Variants in KAZN observed in about 807,000 individuals in gnomAD.
The protein encoded by KAZN is kazrin, periplakin interacting protein.
KAZN carries 40 observed loss-of-function variants against 87.4 expected under a neutral mutation model. The observed-to-expected ratio is 0.46, with a 90% CI of 0.36 to 0.60. KAZN has a LOEUF of 0.60. Among genes scored for constraint, KAZN ranks in the 20% least tolerant of loss-of-function variants. KAZN has a pLI of 0.00. For missense variants in KAZN, 898 were observed against 1,073.9 expected, an observed-to-expected ratio of 0.84 and a Z score of 2.29; for synonymous variants, 466 against 458.3, an observed-to-expected ratio of 1.02 and a Z score of -0.22.
At chr1:14,047,566 T>C (rs1642128401) in intron 1 of KAZN, among the ~76,000 whole-genome samples, 2 of 152,194 alleles carry the variant, frequency 1.3e-5, no homozygotes, top group Admixed American at 6.5e-5. Context: ...GTACTTCTGC[T>C]GCTTAGAAAG....
At chr1:14,928,355 A>C (rs1327367011) in intron 1 of KAZN, among the ~76,000 whole-genome samples, 1 of 152,056 alleles carries the variant, frequency 6.6e-6, no homozygotes, top group Non-Finnish European at 1.5e-5. Context: ...AGGCTGAGGC[A>C]GGAGAGTGTC....
chr1:14,867,537 T>G (rs1172227744), intron 1 of KAZN, among the ~76,000 whole-genome samples: 1 of 152,134 alleles, frequency 6.6e-6, no homozygotes, highest in East Asian at 1.9e-4. Flanking sequence ...CTCTGTGAAG[T>G]AGGAAAACTA....
intron 1 of KAZN, among the ~76,000 whole-genome samples, chr1:13,901,882 G>T (rs1490733571): frequency 1.2e-4 from 19 of 152,242 alleles, no homozygotes; most frequent in Admixed American, 1.1e-3. Context: ...TGTGATAAAG[G>T]TGCTTTACTT....
intron 1 of KAZN, among the ~76,000 whole-genome samples, chr1:14,862,737 A>G (rs1651012918): frequency 6.7e-6 from 1 of 150,064 alleles, no homozygotes; most frequent in Non-Finnish European, 1.5e-5. Context: ...ATGTGCTCAT[A>G]ATACATTGAC....
chr1:14,970,378 C>G (rs550115013), intron 2 of KAZN, among the ~76,000 whole-genome samples: 5 of 152,174 alleles, frequency 3.3e-5, no homozygotes, highest in Admixed American at 6.5e-5. Flanking sequence ...TTGGCAACCC[C>G]GTGACTCACA....
intron 2 of KAZN, among the ~76,000 whole-genome samples, chr1:15,024,575 G>C (rs188014514): frequency 1.3e-5 from 2 of 152,332 alleles, no homozygotes. Flanking sequence ...CAGATGGTCC[G>C]AGGAGCCTCT....
chr1:14,420,440 C>T (rs58381337), intron 2 of KAZN, among the ~76,000 whole-genome samples: 3,761 of 152,326 alleles, frequency 0.025, 140 homozygotes, highest in East Asian at 0.11. Context: ...TGGATTCCCC[C>T]ACCGGAGCCA....
chr1:14,819,462 G>A (rs1463960046), intron 1 of KAZN, among the ~76,000 whole-genome samples: 1 of 152,100 alleles, frequency 6.6e-6, no homozygotes, highest in Non-Finnish European at 1.5e-5. Flanking sequence ...GTTCTTATGG[G>A]TGGGCCTCCT....
chr1:14,780,033 C>T (rs11576169), intron 1 of KAZN, among the ~76,000 whole-genome samples: 1,966 of 152,298 alleles, frequency 0.013, 46 homozygotes, highest in African/African-American at 0.043. Context: ...TTAATTCCTC[C>T]CAACAAACGC....
Position 14,779,405 on chromosome 1 carries a change from C to T in KAZN, c.226+180182C>T, listed in dbSNP as rs537062006. On this transcript the variant is annotated intron_variant, in intron 1 of 14. Coordinates refer to ENST00000376030, the MANE Select transcript of KAZN (RefSeq NM_201628.3). ...CAGCTCTTGGCATTGGAGGGTACGG[C>T]CAGAAGCTTCCTGGGGCACTCTCAT... Among the ~76,000 whole-genome samples the T allele has an allele frequency of 2.6e-5, 4 of 152,336 alleles. No individual in the cohort carries two copies. In the East Asian group the frequency reaches 7.7e-4, roughly 29 times the overall value.
In KAZN at chr1:14,539,178, T is replaced by C. The variant is rs932262722; in HGVS notation, c.250-59805T>C. Among the ~76,000 whole-genome samples the C allele has an allele frequency of 2.0e-5, 3 of 152,168 alleles. 1 individual carries two copies. Among genetic ancestry groups the C allele is most frequent in the Admixed American group, 1.3e-4 (2 of 15,282 alleles). On this transcript the variant is annotated intron_variant, in intron 2 of 16. Coordinates refer to the KAZN transcript ENST00000636203. Reference sequence around the variant, plus strand: ...GGAATTGCAAATATTGCAACTGATATATGATTTCATAAAGTCAATGAAAGT... The same window carrying C: ...GGAATTGCAAATATTGCAACTGATACATGATTTCATAAAGTCAATGAAAGT...
intron 2 of KAZN, among the ~76,000 whole-genome samples, chr1:14,225,642 C>A (rs975641134): frequency 1.3e-5 from 2 of 152,106 alleles, no homozygotes; most frequent in Middle Eastern, 3.2e-3. Context: ...GGTATAGTAA[C>A]TAAAACAGTA....
intron 2 of KAZN, among the ~76,000 whole-genome samples, chr1:14,985,938 G>A (rs972926437): frequency 6.7e-6 from 1 of 148,930 alleles, no homozygotes; most frequent in Non-Finnish European, 1.5e-5. Context: ...AGGAGGCGGA[G>A]GCTGCAGTGA....
At chr1:14,871,698 G>A (rs994961497) in intron 1 of KAZN, among the ~76,000 whole-genome samples, 6 of 147,026 alleles carry the variant, frequency 4.1e-5, no homozygotes, top group African/African-American at 7.6e-5. Flanking sequence ...GCATCTCTGT[G>A]TCTTGATGCT....
rs182388836 is a variant in KAZN, at chr1:14,104,383, G to A, written c.92-76052G>A. ...CTGCCTCTGAAAATCTTGCTAAGGAGCATTTGTCACACAAGTGGATGTGGT... is the reference window on the plus strand; with the variant it reads ...CTGCCTCTGAAAATCTTGCTAAGGAACATTTGTCACACAAGTGGATGTGGT... On this transcript the variant is annotated intron_variant, in intron 1 of 16. Coordinates refer to the KAZN transcript ENST00000636203. Among the ~76,000 whole-genome samples, 292 of 152,336 alleles carry A rather than the reference G, an allele frequency of 1.9e-3. 2 individuals carry two copies. The Middle Eastern group carries it at 0.02, about 11-fold the overall frequency.
chr1:14,678,239 A>G (rs1335237019), intron 1 of KAZN, among the ~76,000 whole-genome samples: 1 of 152,174 alleles, frequency 6.6e-6, no homozygotes, highest in Non-Finnish European at 1.5e-5. Context: ...GCGCGACTAG[A>G]AAAAGCAGGC....
At chr1:14,275,446 G>C (rs1652274093) in intron 2 of KAZN, among the ~76,000 whole-genome samples, 1 of 67,332 alleles carries the variant, frequency 1.5e-5, no homozygotes, top group African/African-American at 5.2e-5. Context: ...GGTAAATACT[G>C]TGTGTGTGTG....
chr1:15,098,012 T>G (rs1206049630), intron 10 of KAZN, among the ~76,000 whole-genome samples: 1 of 152,202 alleles, frequency 6.6e-6, no homozygotes, highest in East Asian at 1.9e-4. Context: ...GTTAGGGGTT[T>G]TGCATTCTCC....
At chr1:14,601,240 A>G (rs1335744534) in intron 1 of KAZN, among the ~76,000 whole-genome samples, 3 of 152,184 alleles carry the variant, frequency 2.0e-5, no homozygotes, top group Admixed American at 2.0e-4. Context: ...TGTGATTTTT[A>G]TAATCAGAAA....
Sources: allele counts gnomAD v4.1 joint callset (sites outside exome capture counted in the v4.1 genomes callset), GRCh38; gene constraint gnomAD v4.1.1; transcripts MANE v1.5; gene names NCBI Gene and HGNC (gene_info 2026-07-23, HGNC 2026-07-21).